SLC45A4: variants seen among roughly 807,000 people sequenced by gnomAD.
The protein encoded by SLC45A4 is polyamine-transporter SLC45A4.
Under a neutral mutation model 63.7 loss-of-function variants are expected in SLC45A4, and 32 were observed. The observed-to-expected ratio is 0.50, with a 90% CI of 0.38 to 0.67. SLC45A4 has a LOEUF of 0.67. Among genes scored for constraint, SLC45A4 ranks in the 30% least tolerant of loss-of-function variants. The pLI is 0.00. For synonymous variants in SLC45A4, 535 were observed against 510.0 expected, an observed-to-expected ratio of 1.05 and a Z score of -0.66; for missense variants, 1,027 against 1,157.7, an observed-to-expected ratio of 0.89 and a Z score of 1.64.
In SLC45A4 at chr8:141,210,608, A is replaced by G. The variant is rs756862074; in HGVS notation, c.*964T>C. 3.3e-5 allele frequency: 5 copies of G among 152,226 alleles called. No homozygotes were observed. Among genetic ancestry groups the G allele is most frequent in the African/African-American group, 7.2e-5 (3 of 41,460 alleles). The allele number at this position is 152,226 out of a possible 1,614,324, so 9.4% of individuals were successfully genotyped here. A position where few individuals can be genotyped will look rare whatever the true frequency, so the allele number is the denominator to read the frequency against. ...ACATTAAACAGTCGTTCCTTTAAAT[A>G]CACAGAAAATTCAAGTAATTTATTT... On this transcript the variant is annotated 3_prime_UTR_variant, in exon 9 of 9. Coordinates refer to ENST00000517878, the MANE Select transcript of SLC45A4 (RefSeq NM_001286646.2).
chr8:141,252,704 C>T (rs1236739686), intron 2 of SLC45A4: 2 of 123,170 alleles, frequency 1.6e-5, no homozygotes, highest in Admixed American at 8.3e-5. Flanking sequence ...TCCGTGTTTT[C>T]ACGCCCACCT....
rs1308582367 is a variant in SLC45A4, at chr8:141,229,389, C to T, written c.242-7624G>A. On this transcript the variant is annotated intron_variant, in intron 2 of 8. Coordinates refer to ENST00000517878, the MANE Select transcript of SLC45A4 (RefSeq NM_001286646.2). This position sits in a 1 kb window ranked among gnomAD's most constrained non-coding sequence, Gnocchi z 5.0. ...CTTCCCTCTCCACACCAGACTCCAA[C>T]CGCCCACCCCACCCTACCTCCTCTT... 6.6e-6 allele frequency among the ~76,000 whole-genome samples: 1 copy of T among 152,120 alleles called. No individual in the cohort carries two copies. Among genetic ancestry groups the T allele is most frequent in the East Asian group, 1.9e-4 (1 of 5,168 alleles).
At chr8:141,223,844 C>G (rs1826811486) in intron 2 of SLC45A4, among the ~76,000 whole-genome samples, 1 of 152,226 alleles carries the variant, frequency 6.6e-6, no homozygotes, top group African/African-American at 2.4e-5. Context: ...CCACTCACCC[C>G]AGTCTGGCAC....
At chr8:141,282,968 G>A (rs1830009854) in intron 1 of SLC45A4, among the ~76,000 whole-genome samples, 1 of 152,268 alleles carries the variant, frequency 6.6e-6, no homozygotes, top group African/African-American at 2.4e-5. Context: ...GACGTGCACA[G>A]ACCTGCGGCA....
chr8:141,307,079 C>G (rs933606131), intron 1 of SLC45A4, among the ~76,000 whole-genome samples: 4 of 152,194 alleles, frequency 2.6e-5, no homozygotes, highest in Admixed American at 2.6e-4. Flanking sequence ...CTTAGGAGGT[C>G]AAGCGGCCCT....
intron 1 of SLC45A4, among the ~76,000 whole-genome samples, chr8:141,269,407 C>G (rs376851406): frequency 6.9e-6 from 1 of 144,678 alleles, no homozygotes; most frequent in East Asian, 1.9e-4. Flanking sequence ...GAATCTGCAG[C>G]GGCAGAGGGG....
At chr8:141,217,568 G>A (rs1826237349) in intron 5 of SLC45A4, among the ~76,000 whole-genome samples, 2 of 152,234 alleles carry the variant, frequency 1.3e-5, no homozygotes, top group South Asian at 2.1e-4. Flanking sequence ...ATGGAGACAG[G>A]AGGCCCGAGC....
intron 1 of SLC45A4, among the ~76,000 whole-genome samples, chr8:141,300,257 A>C (rs1021466927): frequency 6.6e-6 from 1 of 152,200 alleles, no homozygotes; most frequent in Non-Finnish European, 1.5e-5. Flanking sequence ...CAGAGACCCC[A>C]GGTCCGTCAA....
At position 141,293,227 on chromosome 8, in the gene SLC45A4, G is replaced by T. The variant is rs185728416; in HGVS notation, c.-401+14869C>A. Reference sequence around the variant, plus strand: ...CCCAGCACTTTGGGAGGCTGAGGCAGGTGGATCATGAGGTCAGGGGTTCGA... The same window carrying T: ...CCCAGCACTTTGGGAGGCTGAGGCATGTGGATCATGAGGTCAGGGGTTCGA... On this transcript the variant is annotated intron_variant, in intron 1 of 8. Coordinates refer to ENST00000517878, the MANE Select transcript of SLC45A4 (RefSeq NM_001286646.2). 9.8e-3 allele frequency among the ~76,000 whole-genome samples: 1,484 copies of T among 152,204 alleles called. 117 individuals are homozygous for T. Among genetic ancestry groups the T allele is most frequent in the Admixed American group, 0.091 (1,397 of 15,280 alleles).
intron 2 of SLC45A4, chr8:141,228,251 G>C: frequency 6.2e-7 from 1 of 1,613,940 alleles, no homozygotes; most frequent in East Asian, 2.2e-5. Flanking sequence ...CCTGAGGCTG[G>C]GCTTGCTTTC....
chr8:141,232,365 T>C (rs543051494), intron 2 of SLC45A4, among the ~76,000 whole-genome samples: 1 of 152,374 alleles, frequency 6.6e-6, no homozygotes, highest in African/African-American at 2.4e-5. Flanking sequence ...TAGGGACAGA[T>C]GGGAAATCCA....
chr8:141,229,861 C>T lies in SLC45A4; in HGVS notation c.242-8096G>A, dbSNP rs1175092300. ...AGCAGCTTGGGCTTTGAACGTGCTG[C>T]CCTGCATGTAAAGGGGCACGCTGGG... is the stretch of plus-strand genomic sequence containing the variant. On this transcript the variant is annotated intron_variant, in intron 2 of 8. Coordinates refer to ENST00000517878, the MANE Select transcript of SLC45A4 (RefSeq NM_001286646.2). This position sits in a 1 kb window ranked among gnomAD's most constrained non-coding sequence, Gnocchi z 5.0. Among the ~76,000 whole-genome samples, 1 of 152,140 alleles carries T rather than the reference C, an allele frequency of 6.6e-6. No individual in the cohort carries two copies. Among genetic ancestry groups the T allele is most frequent in the African/African-American group, 2.4e-5 (1 of 41,428 alleles).
intron 2 of SLC45A4, chr8:141,230,231 T>C (rs771194007): frequency 2.3e-6 from 1 of 426,138 alleles, no homozygotes; most frequent in Non-Finnish European, 4.7e-6. Flanking sequence ...AGACCCACTG[T>C]GGCTGTCAGG....
chr8:141,290,722 G>A (rs1334203799), intron 1 of SLC45A4, among the ~76,000 whole-genome samples: 1 of 152,210 alleles, frequency 6.6e-6, no homozygotes, highest in Non-Finnish European at 1.5e-5. Context: ...GTTGTCCTTG[G>A]GTCCAGAGAC....
intron 2 of SLC45A4, among the ~76,000 whole-genome samples, chr8:141,237,424 A>G (rs983698551): frequency 1.3e-5 from 2 of 152,122 alleles, no homozygotes; most frequent in African/African-American, 4.8e-5. Flanking sequence ...ACTGACCCCT[A>G]GTGACCCCTT....
Position 141,208,074 on chromosome 8 carries a change from C to T in SLC45A4, c.*3498G>A, listed in dbSNP as rs1825615493. On this transcript the variant is annotated 3_prime_UTR_variant, in exon 9 of 9. Coordinates refer to ENST00000517878, the MANE Select transcript of SLC45A4 (RefSeq NM_001286646.2). The stretch of plus-strand genomic sequence containing the variant: ...GGCTGACTCCGCAGCAGCAGTCCCT[C>T]ACACGCTGTGTGGTGGCTAAAGCTG... 1 of 152,296 alleles carries T rather than the reference C, an allele frequency of 6.6e-6. No homozygotes were observed. 9.4% of individuals were successfully genotyped at this position (152,296 alleles called of 1,614,324 possible). A position where few individuals can be genotyped will look rare whatever the true frequency, so the allele number is the denominator to read the frequency against.
chr8:141,228,624 A>T, intron 2 of SLC45A4: 3 of 1,085,300 alleles, frequency 2.8e-6, no homozygotes, highest in Non-Finnish European at 3.4e-6. Flanking sequence ...CAACAAGCAA[A>T]CATCTTTGTG....
At position 141,211,582 on chromosome 8, in the gene SLC45A4, C is replaced by A. The variant is rs1392907298; in HGVS notation, c.2417G>T (p.Trp806Leu). 6.2e-7 allele frequency: 1 copy of A among 1,612,864 alleles called. No individual in the cohort carries two copies. ...FRKKIFFSTM[W>L]FS ...AGATACGTCATTCTTCTAAGAGAAC[C>A]ACATTGTGGAAAAGAAAATTTTTTT... The change falls in exon 9 of 9, where the codon TGG (tryptophan) becomes TTG (leucine). Residue 806 changes from tryptophan to leucine, a missense_variant. By Grantham distance (61) the Trp-to-Leu change is moderately conservative. Transcript: ENST00000517878.
chr8:141,217,395 G>A (rs1175723802), intron 5 of SLC45A4, among the ~76,000 whole-genome samples: 1 of 152,256 alleles, frequency 6.6e-6, no homozygotes, highest in Non-Finnish European at 1.5e-5. Flanking sequence ...TCTGTGACGT[G>A]ACTCTGCCAC....
Sources: gnomAD v4.1 joint callset for allele counts (sites outside exome capture counted in the v4.1 genomes callset) on GRCh38, gnomAD v4.1.1 for gene constraint, Gnocchi (gnomAD v3.1) non-coding constraint, MANE v1.5 for transcripts, NCBI Gene and HGNC (gene_info 2026-07-23, HGNC 2026-07-21) for gene names.